Variants in PLEKHM3 observed in about 807,000 individuals in gnomAD.
PLEKHM3 encodes pleckstrin homology domain containing M3, also known as pleckstrin homology domain-containing family M member 3.
PLEKHM3 carries 45 observed loss-of-function variants against 81.8 expected under a neutral mutation model. The observed-to-expected ratio is 0.55, with a 90% confidence interval of 0.43 to 0.71. The LOEUF is 0.71. Among genes scored for constraint, PLEKHM3 ranks in the 30% least tolerant of loss-of-function variants. The pLI, the probability that PLEKHM3 is intolerant of heterozygous loss-of-function variation, is 0.00. For missense variants in PLEKHM3, 788 were observed against 924.3 expected, an observed-to-expected ratio of 0.85 and a Z score of 1.91; for synonymous variants, 352 against 356.4, an observed-to-expected ratio of 0.99 and a Z score of 0.14.
intron 3 of PLEKHM3, among the ~76,000 whole-genome samples, chr2:207,975,582 C>CT (rs11350409): frequency 0.11 from 7,005 of 63,114 alleles, 1,450 homozygotes; most frequent in Non-Finnish European, 0.12. Context: ...GTTTTAAAAG[C>CT]TTTTTTTTTT....
intron 5 of PLEKHM3, among the ~76,000 whole-genome samples, chr2:207,923,855 G>GCACA (rs1157865708): frequency 0.18 from 3,446 of 18,800 alleles, 424 homozygotes; most frequent in East Asian, 0.3. Context: ...ACACACGCAC[G>GCACA]CACACACACA....
Position 208,001,062 on chromosome 2 carries a change from G to T in PLEKHM3, c.578C>A (p.Pro193Gln). ...TCCTTGAGCATCTTCTATCTTATTT[G>T]GTGAGGGCAACAGAAAAGATGGCCT... ...VTRPSFLLPS[P>Q]NKIEDAQGNT... The change falls in exon 2 of 8, where the codon CCA (proline) becomes CAA (glutamine). Residue 193 changes from proline (P) to glutamine (Q), a missense_variant. Physicochemically the swap from Pro to Gln is moderately conservative, Grantham distance 76 (BLOSUM62 -1). Coordinates refer to ENST00000427836, the MANE Select transcript of PLEKHM3 (RefSeq NM_001080475.3). 1 of 1,559,174 alleles carries T rather than the reference G, an allele frequency of 6.4e-7. No individual in the cohort carries two copies. Among genetic ancestry groups the T allele is most frequent in the Non-Finnish European group, 8.7e-7 (1 of 1,151,138 alleles).
chr2:208,007,333 C>T (rs894053337), intron 1 of PLEKHM3, among the ~76,000 whole-genome samples: 1 of 152,178 alleles, frequency 6.6e-6, no homozygotes, highest in Non-Finnish European at 1.5e-5. Flanking sequence ...GTGAAGGACA[C>T]ACCACAAGAG....
At chr2:207,835,040 G>A (rs987484517) in intron 7 of PLEKHM3, among the ~76,000 whole-genome samples, 3 of 150,758 alleles carry the variant, frequency 2.0e-5, no homozygotes, top group South Asian at 4.2e-4. Context: ...TTCCGGTTTC[G>A]AGTGATTCTC....
chr2:207,896,489 T>A (rs918286580), intron 6 of PLEKHM3, among the ~76,000 whole-genome samples: 1 of 152,178 alleles, frequency 6.6e-6, no homozygotes, highest in Non-Finnish European at 1.5e-5. Flanking sequence ...TGAGAAATGA[T>A]AGGGATTGGA....
chr2:207,935,270 C>A (rs1012578842), intron 4 of PLEKHM3, among the ~76,000 whole-genome samples: 1 of 152,070 alleles, frequency 6.6e-6, no homozygotes, highest in Non-Finnish European at 1.5e-5. Flanking sequence ...CATCTTGTAC[C>A]GAAGAAAACC....
intron 7 of PLEKHM3, among the ~76,000 whole-genome samples, chr2:207,836,210 G>A (rs1454447191): frequency 6.6e-6 from 1 of 151,748 alleles, no homozygotes; most frequent in Non-Finnish European, 1.5e-5. Flanking sequence ...TGTAATCCCA[G>A]CTACTTAGAA....
chr2:207,993,368 A>G (rs1559274225), intron 2 of PLEKHM3, among the ~76,000 whole-genome samples: 1 of 152,186 alleles, frequency 6.6e-6, no homozygotes, highest in Non-Finnish European at 1.5e-5. Flanking sequence ...TCATAAATTC[A>G]GCAAGAGACC....
intron 1 of PLEKHM3, among the ~76,000 whole-genome samples, chr2:208,006,614 A>G (rs988189493): frequency 5.9e-5 from 9 of 152,200 alleles, no homozygotes; most frequent in Non-Finnish European, 1.3e-4. Flanking sequence ...AAACTGCTAC[A>G]TAATTATGGA....
intron 5 of PLEKHM3, among the ~76,000 whole-genome samples, chr2:207,920,871 T>C (rs960786632): frequency 6.6e-6 from 1 of 152,292 alleles, no homozygotes; most frequent in Middle Eastern, 3.4e-3. Context: ...CCAATTGTCA[T>C]GCCTGGTTCT....
At chr2:207,983,234 G>A (rs1174436580) in intron 2 of PLEKHM3, among the ~76,000 whole-genome samples, 2 of 151,712 alleles carry the variant, frequency 1.3e-5, no homozygotes, top group African/African-American at 4.8e-5. Context: ...TGTATTTTTA[G>A]TACAGACGGG....
chr2:207,865,800 AAAGATATATAT>A (rs1559212805), intron 6 of PLEKHM3, among the ~76,000 whole-genome samples: 3 of 44,160 alleles, frequency 6.8e-5, no homozygotes, highest in African/African-American at 4.6e-4. Context: ...AAAAAAAAAA[AAAGATATATAT>A]ATATATATAT....
chr2:207,922,489 G>C (rs766177286), intron 5 of PLEKHM3, among the ~76,000 whole-genome samples: 4 of 152,178 alleles, frequency 2.6e-5, no homozygotes, highest in Admixed American at 6.5e-5. Context: ...TAGCCAGCAA[G>C]AGAGGATATA....
intron 5 of PLEKHM3, among the ~76,000 whole-genome samples, chr2:207,915,151 G>T (rs897619989): frequency 6.6e-6 from 1 of 152,124 alleles, no homozygotes; most frequent in Non-Finnish European, 1.5e-5. Context: ...CTTTAGAATT[G>T]CCTGACACAC....
intron 7 of PLEKHM3, among the ~76,000 whole-genome samples, chr2:207,853,379 T>C (rs1338253036): frequency 6.7e-6 from 1 of 149,326 alleles, no homozygotes; most frequent in Non-Finnish European, 1.5e-5. Flanking sequence ...ATCACGCCAT[T>C]GCACTCCAGC....
chr2:207,909,467 A>G (rs1574396275), intron 5 of PLEKHM3, among the ~76,000 whole-genome samples: 1 of 152,254 alleles, frequency 6.6e-6, no homozygotes, highest in Admixed American at 6.5e-5. Flanking sequence ...CACATTTATG[A>G]CTATTCATTA....
At chr2:207,897,662 C>T (rs143789676) in intron 6 of PLEKHM3, among the ~76,000 whole-genome samples, 2 of 152,306 alleles carry the variant, frequency 1.3e-5, no homozygotes, top group African/African-American at 4.8e-5. Flanking sequence ...CTCTGCAATG[C>T]CCAATGTTGG....
At chr2:207,836,395 T>G (rs1334804269) in intron 7 of PLEKHM3, among the ~76,000 whole-genome samples, 1 of 151,750 alleles carries the variant, frequency 6.6e-6, no homozygotes, top group Non-Finnish European at 1.5e-5. Flanking sequence ...CATTAGCTTA[T>G]TGACCCATAG....
rs1451132995 is a variant in PLEKHM3, at chr2:207,878,134, C to T, written c.1951-16872G>A. Among the ~76,000 whole-genome samples, 5 of 152,108 alleles carry T rather than the reference C, an allele frequency of 3.3e-5. No individual in the cohort carries two copies. The East Asian group carries it at 9.6e-4, about 29-fold the overall frequency. ...TAAAAATTTTTTGGAGATAAGGTCT[C>T]CCTATATTGCCCAGGCTGGTCTCGA... is the stretch of plus-strand genomic sequence containing the variant. On this transcript the variant is annotated intron_variant, in intron 6 of 7. Transcript: ENST00000427836.
Sources: gnomAD v4.1 joint callset for allele counts (sites outside exome capture counted in the v4.1 genomes callset) on GRCh38, gnomAD v4.1.1 for gene constraint, MANE v1.5 for transcripts, NCBI Gene and HGNC (gene_info 2026-07-23, HGNC 2026-07-21) for gene names.